CTCF: variants seen among roughly 807,000 people sequenced by gnomAD.
The protein encoded by CTCF is CCCTC-binding factor.
CTCF carries 7 observed loss-of-function variants against 72.3 expected under a neutral mutation model. That is an observed-to-expected ratio of 0.10 (90% confidence interval 0.06 to 0.18). The LOEUF (loss-of-function observed/expected upper bound fraction) is 0.18, where lower values mean the gene tolerates loss of function less well. Ranked by LOEUF, CTCF falls within the 10% of genes least tolerant of loss-of-function variation. CTCF has a pLI of 1.00. For missense variants in CTCF, 516 were observed against 949.1 expected, an observed-to-expected ratio of 0.54 and a Z score of 6.00; for synonymous variants, 374 against 315.8, an observed-to-expected ratio of 1.18 and a Z score of -1.95.
chr16:67,584,872 C>T (rs1420243781), intron 2 of CTCF, among the ~76,000 whole-genome samples: 1 of 152,116 alleles, frequency 6.6e-6, no homozygotes, highest in African/African-American at 2.4e-5. Flanking sequence ...TCTGAATAGT[C>T]TTTGGGTTTC....
intron 5 of CTCF, among the ~76,000 whole-genome samples, chr16:67,617,846 C>A (rs573850869): frequency 2.0e-5 from 3 of 152,272 alleles, no homozygotes; most frequent in African/African-American, 7.2e-5. Context: ...AGAAAACTTA[C>A]CCTCAGAGAG....
At chr16:67,601,277 G>C (rs1159513627) in intron 2 of CTCF, among the ~76,000 whole-genome samples, 6 of 144,796 alleles carry the variant, frequency 4.1e-5, no homozygotes, top group African/African-American at 1.0e-4. Context: ...TTTTAAGACA[G>C]AGTCTCACTC....
intron 1 of CTCF, among the ~76,000 whole-genome samples, chr16:67,569,902 TCTCAAA>T (rs2051391364): frequency 6.6e-6 from 1 of 151,934 alleles, no homozygotes; most frequent in South Asian, 2.1e-4. Flanking sequence ...GTCAGGCTGT[TCTCAAA>T]CTCCTGACCT....
In CTCF at chr16:67,573,973, G is replaced by A. The variant is rs1024450900; in HGVS notation, c.-10+2709G>A. Among the ~76,000 whole-genome samples the A allele has an allele frequency of 5.3e-5, 8 of 151,962 alleles. No individual in the cohort carries two copies. In the South Asian group the frequency reaches 1.2e-3, roughly 24 times the overall value. ...TTGAACCCGGGAGGCGGAAGTTGCA[G>A]TGAGCCGAGATCATGCCACTGTACT... On this transcript the variant is annotated intron_variant, in intron 2 of 11. Transcript: ENST00000264010.
chr16:67,591,595 A>G (rs1200624403), intron 2 of CTCF, among the ~76,000 whole-genome samples: 3 of 152,174 alleles, frequency 2.0e-5, no homozygotes, highest in Non-Finnish European at 4.4e-5. Flanking sequence ...TATTTTGTTT[A>G]ACTTTTAAAC....
At chr16:67,626,501 T>TA (rs1340339730) in intron 7 of CTCF, 54 bp from the exon 8 acceptor site, 37 of 1,266,088 alleles carry the variant, frequency 2.9e-5, no homozygotes, top group Non-Finnish European at 3.9e-5. Context: ...AGTAACTTGT[T>TA]AAAATGCTTG....
intron 4 of CTCF, chr16:67,615,428 CA>C (rs1468324935): frequency 6.6e-6 from 1 of 152,226 alleles, no homozygotes; most frequent in African/African-American, 2.4e-5. Flanking sequence ...CAAGCCTGGG[CA>C]ACGTGGCAAG....
chr16:67,567,464 C>T (rs1319921867), intron 1 of CTCF, among the ~76,000 whole-genome samples: 2 of 152,190 alleles, frequency 1.3e-5, no homozygotes, highest in Non-Finnish European at 2.9e-5. Context: ...AATTGCCTCT[C>T]AACAGAGGAG....
In CTCF at chr16:67,636,741, T is replaced by C. The variant is rs1360768454; in HGVS notation, c.1889T>C (p.Val630Ala). 1 of 1,609,822 alleles carries C rather than the reference T, an allele frequency of 6.2e-7. No homozygotes were observed. The highest frequency in any genetic ancestry group is 8.5e-7 in the Non-Finnish European group (1 of 1,178,114). ...DDNEDEEEPA[V>A]EIEPEPEPQP... ...AATGAGGATGAGGAGGAGCCTGCCGTAGAAATTGAACCTGAGCCAGAGCCT... is the reference window on the plus strand; with the variant it reads ...AATGAGGATGAGGAGGAGCCTGCCGCAGAAATTGAACCTGAGCCAGAGCCT... The change falls in exon 11 of 12, where the codon GTA becomes GCA. Residue 630 changes from valine (V) to alanine (A), a missense_variant. By Grantham distance (64) the Val-to-Ala change is moderately conservative (BLOSUM62 0). Transcript: ENST00000264010.
chr16:67,620,690 A>C lies in CTCF; in HGVS notation c.1087-7A>C, dbSNP rs2052189300. The C allele has an allele frequency of 1.3e-6, 2 of 1,552,310 alleles. No individual in the cohort carries two copies. The highest frequency in any genetic ancestry group is 1.8e-6 in the Non-Finnish European group (2 of 1,135,260). On this transcript the variant is annotated splice_polypyrimidine_tract_variant and splice_region_variant and intron_variant, in intron 5 of 11. Transcript: ENST00000264010. The stretch of plus-strand genomic sequence containing the variant: ...GAAGTTAAAGTTCGGTTGTTTTCGT[A>C]TTTCAGGTCAGCAAATTAAAACGTC...
At chr16:67,563,373 C>T (rs1597669055) in intron 1 of CTCF, 1 of 152,198 alleles carries the variant, frequency 6.6e-6, no homozygotes, top group Non-Finnish European at 1.5e-5. Flanking sequence ...CCGCTGGTCT[C>T]CGTCTCCGCC....
chr16:67,568,072 G>T (rs2051365606), intron 1 of CTCF: 1 of 150,136 alleles, frequency 6.7e-6, no homozygotes, highest in Non-Finnish European at 1.5e-5. Context: ...GCATATATAT[G>T]TATACGTGTA....
intron 2 of CTCF, among the ~76,000 whole-genome samples, chr16:67,584,512 G>C (rs1328232798): frequency 6.6e-6 from 1 of 151,632 alleles, no homozygotes; most frequent in Non-Finnish European, 1.5e-5. Context: ...ACTTTTAGTA[G>C]AGACAGGGTT....
intron 10 of CTCF, among the ~76,000 whole-genome samples, chr16:67,632,874 AT>A (rs1375997714): frequency 6.6e-6 from 1 of 152,156 alleles, no homozygotes; most frequent in African/African-American, 2.4e-5. Flanking sequence ...AAATTTAAAC[AT>A]TTTGTTCCAG....
intron 2 of CTCF, among the ~76,000 whole-genome samples, chr16:67,606,943 A>G (rs928128345): frequency 6.6e-6 from 1 of 151,156 alleles, no homozygotes. Flanking sequence ...TATATGTTTT[A>G]TTTTATTTTA....
At chr16:67,606,757 T>G (rs1056875168) in intron 2 of CTCF, among the ~76,000 whole-genome samples, 11 of 98,718 alleles carry the variant, frequency 1.1e-4, no homozygotes, top group South Asian at 6.5e-4. Flanking sequence ...TTGTTTTGGG[T>G]TTTTTTTTTT....
In CTCF at chr16:67,636,840, A is replaced by G. The variant is rs2052438072; in HGVS notation, c.1988A>G (p.Lys663Arg). 6.3e-7 allele frequency: 1 copy of G among 1,591,646 alleles called. No individual in the cohort carries two copies. Among genetic ancestry groups the G allele is most frequent in the Non-Finnish European group, 8.6e-7 (1 of 1,168,496 alleles). ...CCCCCTGGCAGAACCAACCAGCCCAAACAGAACCAGCGTAAGTTGTTCATC... is the reference window on the plus strand; with the variant it reads ...CCCCCTGGCAGAACCAACCAGCCCAGACAGAACCAGCGTAAGTTGTTCATC... ...GRPPGRTNQP[K>R]QNQPTAIIQV... The change falls in exon 11 of 12, where the codon AAA becomes AGA. Residue 663 changes from lysine (K) to arginine (R), a missense_variant. This residue lies in a region of CTCF where 157 missense variants were observed against 172.9 expected (regional missense o/e 0.91). Transcript: ENST00000264010.
intron 2 of CTCF, among the ~76,000 whole-genome samples, chr16:67,605,537 G>A (rs945872526): frequency 1.3e-5 from 2 of 152,154 alleles, no homozygotes; most frequent in East Asian, 1.9e-4. Context: ...CAACAACCTC[G>A]GGAGTTTACC....
Position 67,624,157 on chromosome 16 carries a change from G to GTATA in CTCF, c.1358-2390_1358-2387dup, listed in dbSNP as rs200079779. 3.4e-5 allele frequency among the ~76,000 whole-genome samples: 5 copies of GTATA among 147,102 alleles called. No individual in the cohort carries two copies. The South Asian group carries it at 8.7e-4, about 26-fold the overall frequency. ...TATGTGTGTGTGTGTATATATGTGTGTATATATATATGTATTCATATATAT... is the reference window on the plus strand; with the variant it reads ...TATGTGTGTGTGTGTATATATGTGTGTATATATATATATATGTATTCATATATAT... On this transcript the variant is annotated intron_variant, in intron 7 of 11. Coordinates refer to ENST00000264010, the MANE Select transcript of CTCF (RefSeq NM_006565.4).
Sources: allele counts gnomAD v4.1 joint callset (sites outside exome capture counted in the v4.1 genomes callset), GRCh38; gene constraint gnomAD v4.1.1; regional missense constraint gnomAD v4.1.1; transcripts MANE v1.5; gene names NCBI Gene and HGNC (gene_info 2026-07-23, HGNC 2026-07-21).